VDAC1: variants seen among roughly 807,000 people sequenced by gnomAD.
VDAC1 encodes the protein non-selective voltage-gated ion channel VDAC1.
VDAC1 carries 10 observed loss-of-function variants against 34.7 expected under a neutral mutation model. The ratio of observed to expected loss-of-function variants is 0.29; its 90% CI spans 0.18 to 0.49. VDAC1 has a LOEUF of 0.49. Ranked by LOEUF, VDAC1 falls within the 20% of genes least tolerant of loss-of-function variation. The pLI, the probability that VDAC1 is intolerant of heterozygous loss-of-function variation, is 0.99. For synonymous variants in VDAC1, 130 were observed against 136.0 expected, an observed-to-expected ratio of 0.96 and a Z score of 0.30; for missense variants, 230 against 347.9, an observed-to-expected ratio of 0.66 and a Z score of 2.69.
the VDAC1 span, among the ~76,000 whole-genome samples, chr5:134,048,203 C>A: frequency 3.3e-5 from 5 of 152,202 alleles, no homozygotes; most frequent in African/African-American, 1.2e-4. Flanking sequence ...CTCCTGACCT[C>A]GTGATCTGCC....
At chr5:134,078,571 C>G in the VDAC1 span, among the ~76,000 whole-genome samples, 1 of 151,618 alleles carries the variant, frequency 6.6e-6, no homozygotes, top group Non-Finnish European at 1.5e-5. Context: ...CCCAGTAGGG[C>G]CTTTACATTT....
the VDAC1 span, among the ~76,000 whole-genome samples, chr5:134,085,290 G>A: frequency 6.6e-6 from 1 of 151,842 alleles, no homozygotes; most frequent in African/African-American, 2.4e-5. Flanking sequence ...GGATGGTCTC[G>A]ATCTCCTGAC....
chr5:133,975,031 T>C (rs568041917), intron 7 of VDAC1, among the ~76,000 whole-genome samples: 8 of 149,240 alleles, frequency 5.4e-5, no homozygotes, highest in African/African-American at 1.7e-4. Flanking sequence ...ATTTGGGAGG[T>C]TGAGGTGGGA....
At chr5:134,035,205 T>A in the VDAC1 span, among the ~76,000 whole-genome samples, 1 of 152,122 alleles carries the variant, frequency 6.6e-6, no homozygotes, top group Non-Finnish European at 1.5e-5. Flanking sequence ...GAATTAAGGA[T>A]GTGCTAAACA....
At chr5:133,982,972 G>C (rs1752758462) in intron 5 of VDAC1, among the ~76,000 whole-genome samples, 1 of 151,686 alleles carries the variant, frequency 6.6e-6, no homozygotes, top group Non-Finnish European at 1.5e-5. Context: ...ATGATCCACT[G>C]GGCGCAGTGG....
At chr5:134,030,162 G>A in the VDAC1 span, among the ~76,000 whole-genome samples, 1 of 152,028 alleles carries the variant, frequency 6.6e-6, no homozygotes, top group Non-Finnish European at 1.5e-5. Context: ...CCAACATGGA[G>A]AAACCCTATC....
chr5:133,974,467 G>A (rs986004816), intron 7 of VDAC1, among the ~76,000 whole-genome samples: 1 of 152,108 alleles, frequency 6.6e-6, no homozygotes, highest in Non-Finnish European at 1.5e-5. Context: ...GGCGGGGCGG[G>A]GGGAATTATC....
chr5:134,063,664 G>A, the VDAC1 span, among the ~76,000 whole-genome samples: 239 of 152,254 alleles, frequency 1.6e-3, no homozygotes, highest in Non-Finnish European at 2.4e-3. Flanking sequence ...CGTGAGGGAG[G>A]GCATCCTGGA....
At chr5:133,992,445 T>A in intron 2 of VDAC1, 90 bp from the exon 3 acceptor site, 1 of 1,008,878 alleles carries the variant, frequency 9.9e-7, no homozygotes, top group Non-Finnish European at 1.4e-6. Context: ...GATGCTTTTT[T>A]AAAAAGAAGC....
the VDAC1 span, among the ~76,000 whole-genome samples, chr5:134,019,819 A>T: frequency 6.6e-6 from 1 of 152,178 alleles, no homozygotes; most frequent in Non-Finnish European, 1.5e-5. Context: ...CTGAGACCAC[A>T]CTGCCTATGT....
At chr5:134,085,761 A>T in the VDAC1 span, among the ~76,000 whole-genome samples, 2 of 147,688 alleles carry the variant, frequency 1.4e-5, no homozygotes, top group African/African-American at 5.0e-5. Flanking sequence ...AAATTTCATT[A>T]GCTGAGTATG....
the VDAC1 span, among the ~76,000 whole-genome samples, chr5:134,035,776 G>A: frequency 6.6e-6 from 1 of 152,130 alleles, no homozygotes; most frequent in African/African-American, 2.4e-5. Context: ...GGAGGCTGAA[G>A]CAGGTGGGTC....
chr5:134,060,230 C>A, the VDAC1 span, among the ~76,000 whole-genome samples: 1 of 151,906 alleles, frequency 6.6e-6, no homozygotes, highest in African/African-American at 2.4e-5. Flanking sequence ...TACTGGTCAC[C>A]ACTGAGTGCA....
the VDAC1 span, among the ~76,000 whole-genome samples, chr5:134,082,640 G>A: frequency 6.6e-6 from 1 of 152,206 alleles, no homozygotes; most frequent in African/African-American, 2.4e-5. Flanking sequence ...TCAAGGAACT[G>A]CCAAACTGTT....
the VDAC1 span, among the ~76,000 whole-genome samples, chr5:134,021,544 T>C: frequency 7.0e-6 from 1 of 142,178 alleles, no homozygotes; most frequent in East Asian, 2.0e-4. Context: ...TGCATAGTAT[T>C]GAGACCTTGT....
At chr5:134,075,406 G>C in the VDAC1 span, among the ~76,000 whole-genome samples, 21 of 152,230 alleles carry the variant, frequency 1.4e-4, no homozygotes, top group East Asian at 3.9e-3. Context: ...ACTCCTGTTA[G>C]CACACTACTC....
At chr5:134,058,531 G>A in the VDAC1 span, among the ~76,000 whole-genome samples, 15,129 of 151,976 alleles carry the variant, frequency 0.1, 1,022 homozygotes, top group East Asian at 0.28. Flanking sequence ...TAACCAGGAC[G>A]GTCTCAATCT....
chr5:134,067,129 G>A, the VDAC1 span, among the ~76,000 whole-genome samples: 1 of 148,624 alleles, frequency 6.7e-6, no homozygotes, highest in Non-Finnish European at 1.5e-5. Context: ...GGGCTGGAGT[G>A]CAATGGCACA....
At chr5:134,052,040 G>A in the VDAC1 span, among the ~76,000 whole-genome samples, 1 of 152,034 alleles carries the variant, frequency 6.6e-6, no homozygotes, top group Non-Finnish European at 1.5e-5. Context: ...GCGGGTACAA[G>A]CAAGAAGGAC....
Sources: allele counts gnomAD v4.1 joint callset (sites outside exome capture counted in the v4.1 genomes callset), GRCh38; gene constraint gnomAD v4.1.1; transcripts MANE v1.5; gene names NCBI Gene and HGNC (gene_info 2026-07-23, HGNC 2026-07-21).